Variants in TOX4 observed in about 807,000 individuals in gnomAD.
The protein encoded by TOX4 is TOX high mobility group box family member 4.
TOX4 carries 12 observed loss-of-function variants against 61.0 expected under a neutral mutation model. The ratio of observed to expected loss-of-function variants is 0.20; its 90% CI spans 0.13 to 0.32. The LOEUF is 0.32. Ranked by LOEUF, TOX4 falls within the 10% of genes least tolerant of loss-of-function variation. The pLI is 1.00. For synonymous variants in TOX4, 268 were observed against 274.8 expected (o/e 0.98, Z 0.24); for missense variants, 499 against 753.3 (o/e 0.66, Z 3.95).
At chr14:21,489,648 A>G (rs1285194040) in intron 5 of TOX4, among the ~76,000 whole-genome samples, 2 of 151,536 alleles carry the variant, frequency 1.3e-5, no homozygotes, top group Admixed American at 6.6e-5. Context: ...CCGTGATCTC[A>G]GCTCACTGCA....
At chr14:21,489,602 A>G (rs546360629) in intron 5 of TOX4, among the ~76,000 whole-genome samples, 199 bp downstream of exon 5, 7 of 151,698 alleles carry the variant, frequency 4.6e-5, no homozygotes, top group African/African-American at 1.7e-4. Context: ...TTTTTGAGAC[A>G]GAGTCTCGCT....
chr14:21,480,551 CAA>C (rs1290113008), intron 2 of TOX4, among the ~76,000 whole-genome samples: 3 of 151,290 alleles, frequency 2.0e-5, no homozygotes, highest in Admixed American at 6.6e-5. Flanking sequence ...TTTTTTTTTA[CAA>C]GAGAGGAAAT....
chr14:21,477,712 A>T, intron 2 of TOX4, 148 bp downstream of exon 2: 1 of 804,482 alleles, frequency 1.2e-6, no homozygotes, highest in South Asian at 1.6e-5. Context: ...TTGCTTCTAG[A>T]GCCTGTGGGG....
At chr14:21,480,270 G>GTTTT (rs1259839043) in intron 2 of TOX4, among the ~76,000 whole-genome samples, 1 of 152,130 alleles carries the variant, frequency 6.6e-6, no homozygotes, top group African/African-American at 2.4e-5. Flanking sequence ...TCTGTCCTTT[G>GTTTT]TTTTTGTTTT....
chr14:21,488,409 A>G, intron 3 of TOX4, 181 bp from the exon 4 acceptor site: 1 of 655,424 alleles, frequency 1.5e-6, no homozygotes, highest in Non-Finnish European at 2.5e-6. Context: ...TAAATTCATT[A>G]ATTTCTGTAC....
Position 21,488,249 on chromosome 14 carries a change from A to C in TOX4, c.319-341A>C, listed in dbSNP as rs1891221542. ...CCTATGTATTACAATTTTAAAAGCT[A>C]TTATTTTGGGAGAGTACAGATAGGA... On this transcript the variant is annotated intron_variant, in intron 3 of 8. Transcript: ENST00000448790. 8.4e-5 allele frequency: 18 copies of C among 214,222 alleles called. No homozygotes were observed. In the South Asian group the frequency reaches 1.5e-3, roughly 18 times the overall value. The allele number at this position is 214,222 out of a possible 1,614,324, so 13.3% of individuals were successfully genotyped here.
chr14:21,495,036 A>G (rs1891371496), intron 7 of TOX4, among the ~76,000 whole-genome samples, 193 bp from the exon 8 acceptor site: 1 of 152,132 alleles, frequency 6.6e-6, no homozygotes, highest in Non-Finnish European at 1.5e-5. Context: ...ATCTTCCACC[A>G]TTCTGCTTGG....
intron 2 of TOX4, among the ~76,000 whole-genome samples, chr14:21,483,515 A>G (rs907356746): frequency 6.6e-5 from 10 of 151,920 alleles, no homozygotes; most frequent in Non-Finnish European, 1.0e-4. Context: ...CTTCCACACA[A>G]TAACAAAAAT....
intron 2 of TOX4, among the ~76,000 whole-genome samples, chr14:21,480,571 C>T (rs371697759): frequency 6.6e-6 from 1 of 151,734 alleles, no homozygotes; most frequent in Admixed American, 6.6e-5. Flanking sequence ...AATTTTTAGA[C>T]TTTGCCGACC....
At chr14:21,482,301 T>C (rs1472385768) in intron 2 of TOX4, among the ~76,000 whole-genome samples, 3 of 152,162 alleles carry the variant, frequency 2.0e-5, no homozygotes, top group Non-Finnish European at 4.4e-5. Flanking sequence ...TAGGTAAAAT[T>C]TTCACTACTA....
chr14:21,491,599 G>A (rs1309317431), intron 5 of TOX4, among the ~76,000 whole-genome samples: 2 of 151,104 alleles, frequency 1.3e-5, no homozygotes, highest in African/African-American at 4.9e-5. Flanking sequence ...TCCTGACCTC[G>A]TGATCTGGCC....
chr14:21,477,608 G>T (rs761972908), intron 2 of TOX4, 44 bp downstream of exon 2: 34 of 1,607,296 alleles, frequency 2.1e-5, no homozygotes, highest in Admixed American at 1.5e-4. Context: ...GCCTGAGGCA[G>T]CGGTGGGGTA....
chr14:21,492,220 AAAT>A, intron 5 of TOX4, 73 bp from the exon 6 acceptor site: 1 of 1,339,594 alleles, frequency 7.5e-7, no homozygotes, highest in Non-Finnish European at 1.0e-6. Flanking sequence ...ATTCATTGAT[AAAT>A]AATACAGAAC....
chr14:21,493,095 C>G lies in TOX4; in HGVS notation c.1479C>G (p.Ile493Met). The G allele has an allele frequency of 3.1e-6, 5 of 1,614,184 alleles. No individual in the cohort carries two copies. The highest frequency in any genetic ancestry group is 4.2e-6 in the Non-Finnish European group (5 of 1,180,040). ...AGCAACAGCCTCCTCCTCTGCAGATCAAGAGTGTGCCTCTACCCACTTTGA... is the reference window on the plus strand; with the variant it reads ...AGCAACAGCCTCCTCCTCTGCAGATGAAGAGTGTGCCTCTACCCACTTTGA... ...NLQQQPPPLQ[I>M]KSVPLPTLKM... Residue 493 changes from isoleucine to methionine, a missense_variant, in exon 7 of 9, where the codon ATC becomes ATG. By Grantham distance (10) the Ile-to-Met change is conservative. This residue lies in a region of TOX4 where 296 missense variants were observed against 404.7 expected (regional missense o/e 0.73). Coordinates refer to ENST00000448790, the MANE Select transcript of TOX4 (RefSeq NM_014828.4).
At chr14:21,477,630 A>G (rs1341352843) in intron 2 of TOX4, 66 bp downstream of exon 2, 1 of 1,564,814 alleles carries the variant, frequency 6.4e-7, no homozygotes, top group Non-Finnish European at 8.7e-7. Context: ...GGTAGTGGGG[A>G]GGAGAGCACG....
chr14:21,493,492 A>G (rs1049286438), intron 7 of TOX4, among the ~76,000 whole-genome samples: 1 of 151,966 alleles, frequency 6.6e-6, no homozygotes. Context: ...CCCAGGCTGG[A>G]GTGCAATGGT....
chr14:21,487,446 T>C lies in TOX4; in HGVS notation c.76-5T>C, dbSNP rs764781931. 2 of 1,613,164 alleles carry C rather than the reference T, an allele frequency of 1.2e-6. No individual in the cohort carries two copies. The highest frequency in any genetic ancestry group is 1.7e-6 in the Non-Finnish European group (2 of 1,179,346). The stretch of plus-strand genomic sequence containing the variant: ...TAATTCTTTTCCCCCTTTTTTCCCC[T>C]ACAGACATTCCATACACCAAGCTTG... On this transcript the variant is annotated splice_region_variant and splice_polypyrimidine_tract_variant and intron_variant, in intron 2 of 8. Transcript: ENST00000448790.
chr14:21,480,482 T>C (rs142949117), intron 2 of TOX4, among the ~76,000 whole-genome samples: 1 of 152,272 alleles, frequency 6.6e-6, no homozygotes, highest in African/African-American at 2.4e-5. Context: ...GGTTATGGTT[T>C]TACTGTGAGC....
At chr14:21,489,610 G>A (rs866725535) in intron 5 of TOX4, among the ~76,000 whole-genome samples, 3 of 150,958 alleles carry the variant, frequency 2.0e-5, no homozygotes, top group South Asian at 4.2e-4. Flanking sequence ...ACAGAGTCTC[G>A]CTCTGTCACC....
Sources: gnomAD v4.1 joint callset for allele counts (sites outside exome capture counted in the v4.1 genomes callset) on GRCh38, gnomAD v4.1.1 for gene constraint, gnomAD v4.1.1 regional missense constraint, MANE v1.5 for transcripts, NCBI Gene and HGNC (gene_info 2026-07-23, HGNC 2026-07-21) for gene names.